RPS6KC1: variants seen among roughly 807,000 people sequenced by gnomAD.
RPS6KC1 encodes the protein ribosomal protein S6 kinase C1.
Under a neutral mutation model 103.8 loss-of-function variants are expected in RPS6KC1, and 54 were observed. The observed-to-expected ratio is 0.52, with a 90% confidence interval of 0.42 to 0.65. The LOEUF (loss-of-function observed/expected upper bound fraction) is 0.65, where lower values mean the gene tolerates loss of function less well. Ranked by LOEUF, RPS6KC1 falls within the 30% of genes least tolerant of loss-of-function variation. The pLI is 0.00. For missense variants in RPS6KC1, 1,151 were observed against 1,253.8 expected, an observed-to-expected ratio of 0.92 and a Z score of 1.24; for synonymous variants, 439 against 438.7, an observed-to-expected ratio of 1.00 and a Z score of -0.01.
the RPS6KC1 span, among the ~76,000 whole-genome samples, chr1:213,832,844 T>A: frequency 1.3e-5 from 2 of 152,220 alleles, no homozygotes; most frequent in South Asian, 4.1e-4. Context: ...AAATTATGCC[T>A]AAAGTCTTGG....
intron 7 of RPS6KC1, among the ~76,000 whole-genome samples, chr1:213,174,836 C>G (rs1419264050): frequency 6.6e-6 from 1 of 151,938 alleles, no homozygotes; most frequent in East Asian, 1.9e-4. Context: ...TGGTACCTAG[C>G]TCAGCACCTC....
At chr1:213,353,099 A>G in the RPS6KC1 span, among the ~76,000 whole-genome samples, 1 of 152,214 alleles carries the variant, frequency 6.6e-6, no homozygotes. Context: ...TTACTAATGT[A>G]TTATGTGTAT....
intron 6 of RPS6KC1, among the ~76,000 whole-genome samples, chr1:213,154,384 CAG>C (rs1306004398): frequency 6.6e-6 from 1 of 152,204 alleles, no homozygotes; most frequent in Non-Finnish European, 1.5e-5. Context: ...GAAGTGCTGT[CAG>C]GGAGTCAGGG....
At chr1:213,641,901 A>G in the RPS6KC1 span, among the ~76,000 whole-genome samples, 1 of 151,622 alleles carries the variant, frequency 6.6e-6, no homozygotes, top group South Asian at 2.1e-4. Flanking sequence ...CCACTAAATA[A>G]AGAAGAAAGT....
intron 6 of RPS6KC1, among the ~76,000 whole-genome samples, chr1:213,158,421 C>G (rs140467949): frequency 6.6e-6 from 1 of 152,292 alleles, no homozygotes; most frequent in Non-Finnish European, 1.5e-5. Context: ...AACCATTTGA[C>G]CTAAAACTCA....
rs559568508 is a variant in RPS6KC1, at chr1:213,260,320, G to A, written c.2912-1238G>A. On this transcript the variant is annotated intron_variant, in intron 12 of 14. Coordinates refer to ENST00000366960, the MANE Select transcript of RPS6KC1 (RefSeq NM_012424.6). ...CAGGAAGAGGGTGGGCTTGGGAAGG[G>A]CTGTGAAGGGGTAGAGTTCCATATA... Among the ~76,000 whole-genome samples, 16 of 152,300 alleles carry A rather than the reference G, an allele frequency of 1.1e-4. No individual in the cohort carries two copies. In the South Asian group the frequency reaches 3.3e-3, roughly 32 times the overall value.
At chr1:213,465,476 C>T in the RPS6KC1 span, among the ~76,000 whole-genome samples, 4 of 152,152 alleles carry the variant, frequency 2.6e-5, no homozygotes, top group South Asian at 2.1e-4. Flanking sequence ...CCAGTTTCCT[C>T]GCCAATCAGC....
intron 6 of RPS6KC1, among the ~76,000 whole-genome samples, chr1:213,151,142 C>T (rs1205519794): frequency 3.4e-5 from 5 of 146,128 alleles, no homozygotes; most frequent in Non-Finnish European, 7.6e-5. Context: ...ACCTCCCTCC[C>T]GGATGGGGCG....
the RPS6KC1 span, among the ~76,000 whole-genome samples, chr1:213,836,934 A>G: frequency 6.6e-6 from 1 of 152,220 alleles, no homozygotes; most frequent in African/African-American, 2.4e-5. Flanking sequence ...GTTTGCTTTA[A>G]TATAAGTTCA....
intron 6 of RPS6KC1, among the ~76,000 whole-genome samples, 176 bp from the exon 7 acceptor site, chr1:213,167,682 G>T (rs955544159): frequency 2.6e-5 from 4 of 152,110 alleles, no homozygotes; most frequent in Non-Finnish European, 5.9e-5. Flanking sequence ...TGAAATCAAT[G>T]GGGGGTAATA....
At chr1:213,253,225 G>A (rs2094575611) in intron 12 of RPS6KC1, among the ~76,000 whole-genome samples, 2 of 152,110 alleles carry the variant, frequency 1.3e-5, no homozygotes, top group African/African-American at 2.4e-5. Flanking sequence ...TTTTTGGAAT[G>A]GGGATGGGTA....
intron 8 of RPS6KC1, among the ~76,000 whole-genome samples, chr1:213,177,497 C>CATTCCAAAGGGAACATTAAGTTGGAT (rs2091949179): frequency 6.6e-6 from 1 of 152,144 alleles, no homozygotes; most frequent in Non-Finnish European, 1.5e-5. Context: ...AAGTTTGAAG[C>CATTCCAAAGGGAACATTAAGTTGGAT]ATTCCAAAGG....
At chr1:213,110,121 T>A (rs2082882558) in intron 4 of RPS6KC1, among the ~76,000 whole-genome samples, 1 of 152,228 alleles carries the variant, frequency 6.6e-6, no homozygotes, top group Admixed American at 6.5e-5. Flanking sequence ...TCCTTTTAAT[T>A]CTTTAATCAT....
intron 6 of RPS6KC1, among the ~76,000 whole-genome samples, chr1:213,160,028 A>G (rs866860925): frequency 3.3e-5 from 5 of 152,182 alleles, no homozygotes; most frequent in African/African-American, 7.2e-5. Context: ...TACTTGAGTT[A>G]TGCAGTTTTA....
At chr1:213,511,619 G>A in the RPS6KC1 span, among the ~76,000 whole-genome samples, 2 of 152,112 alleles carry the variant, frequency 1.3e-5, no homozygotes, top group Non-Finnish European at 2.9e-5. Flanking sequence ...CAGACCTCTG[G>A]CACCCCTATG....
the RPS6KC1 span, among the ~76,000 whole-genome samples, chr1:213,784,630 C>T: frequency 1.2e-4 from 18 of 152,182 alleles, no homozygotes; most frequent in Non-Finnish European, 2.1e-4. Flanking sequence ...CAGAGCTGGA[C>T]TGAGACTAAG....
chr1:213,783,557 C>G, the RPS6KC1 span, among the ~76,000 whole-genome samples: 1 of 152,070 alleles, frequency 6.6e-6, no homozygotes, highest in East Asian at 1.9e-4. Flanking sequence ...TTTTTTGAAC[C>G]TTGCTTTAAA....
chr1:213,692,530 G>A, the RPS6KC1 span, among the ~76,000 whole-genome samples: 3 of 152,172 alleles, frequency 2.0e-5, no homozygotes, highest in Non-Finnish European at 2.9e-5. Context: ...AATGCTTCCA[G>A]GGTTGCCTTA....
chr1:213,129,454 A>G (rs1355998205), intron 5 of RPS6KC1, 73 bp from the exon 6 acceptor site: 1 of 1,435,718 alleles, frequency 7.0e-7, no homozygotes, highest in Non-Finnish European at 9.4e-7. Flanking sequence ...AAAAATGAAT[A>G]ATTAGCATGA....
Sources: gnomAD v4.1 joint callset for allele counts (sites outside exome capture counted in the v4.1 genomes callset) on GRCh38, gnomAD v4.1.1 for gene constraint, MANE v1.5 for transcripts, NCBI Gene and HGNC (gene_info 2026-07-23, HGNC 2026-07-21) for gene names.